The following OSBPL10 variants were observed in gnomAD, a reference collection of about 807,000 sequenced individuals.
OSBPL10 encodes oxysterol binding protein like 10.
Under a neutral mutation model 81.7 loss-of-function variants are expected in OSBPL10, and 49 were observed. The observed-to-expected ratio is 0.60, with a 90% CI of 0.48 to 0.76. The LOEUF (loss-of-function observed/expected upper bound fraction) is 0.76. OSBPL10 is among the 30% of genes least tolerant of loss of function. The pLI, the probability that OSBPL10 is intolerant of heterozygous loss-of-function variation, is 0.00. For missense variants in OSBPL10, 923 were observed against 987.8 expected (o/e 0.93, Z 0.88); for synonymous variants, 419 against 383.6 (o/e 1.09, Z -1.08).
chr3:31,913,709 A>T (rs796755117), intron 1 of OSBPL10, among the ~76,000 whole-genome samples: 74 of 152,332 alleles, frequency 4.9e-4, no homozygotes, highest in African/African-American at 1.8e-3. Context: ...AACAAAATAT[A>T]TGTATATAAA....
At chr3:32,017,766 T>C (rs973761676) in intron 2 of OSBPL10, among the ~76,000 whole-genome samples, 1 of 152,230 alleles carries the variant, frequency 6.6e-6, no homozygotes, top group South Asian at 2.1e-4. Flanking sequence ...TAATTTGAAT[T>C]AGGTCACTTT....
intron 4 of OSBPL10, among the ~76,000 whole-genome samples, chr3:31,766,332 T>TG (rs1698195906): frequency 4.0e-5 from 1 of 25,112 alleles, no homozygotes; most frequent in African/African-American, 6.2e-5. Context: ...TTTTTTTGTT[T>TG]TTTTGTTTTT....
chr3:31,869,967 CAG>C (rs1701277141), intron 3 of OSBPL10, among the ~76,000 whole-genome samples: 1 of 152,252 alleles, frequency 6.6e-6, no homozygotes, highest in Non-Finnish European at 1.5e-5. Flanking sequence ...TGGCAGTCCT[CAG>C]AGCCCTCGCC....
At chr3:31,876,081 G>A (rs904056130) in intron 3 of OSBPL10, among the ~76,000 whole-genome samples, 1 of 151,896 alleles carries the variant, frequency 6.6e-6, no homozygotes, top group East Asian at 1.9e-4. Flanking sequence ...ATCGGTGATG[G>A]CTACTAGATT....
chr3:31,661,322 TTC>T lies in OSBPL10; in HGVS notation c.*748_*749del, dbSNP rs1575458851. Reference sequence around the variant, plus strand: ...GAAGTCTCCATATGATTGACTGGTTTTCTGATGTAAAAGAAGCAACTTCTCAA... The same window carrying T: ...GAAGTCTCCATATGATTGACTGGTTTTGATGTAAAAGAAGCAACTTCTCAA... On this transcript the variant is annotated 3_prime_UTR_variant, in exon 12 of 12. Transcript: ENST00000396556. 1.3e-5 allele frequency: 2 copies of T among 152,322 alleles called. No homozygotes were observed. Among genetic ancestry groups the T allele is most frequent in the East Asian group, 3.9e-4 (2 of 5,188 alleles). The allele number at this position is 152,322 out of a possible 1,614,324, so 9.4% of individuals were successfully genotyped here. A position where few individuals can be genotyped will look rare whatever the true frequency, so the allele number is the denominator to read the frequency against.
chr3:32,055,020 T>C (rs937160765), intron 1 of OSBPL10, among the ~76,000 whole-genome samples: 2 of 152,108 alleles, frequency 1.3e-5, no homozygotes, highest in Non-Finnish European at 2.9e-5. Context: ...GAAAAAACTT[T>C]CAGGACTCTC....
intron 2 of OSBPL10, among the ~76,000 whole-genome samples, chr3:32,026,057 T>TGATA (rs11385805): frequency 0.028 from 3,115 of 111,108 alleles, 83 homozygotes; most frequent in African/African-American, 0.057. Context: ...GATAGATAGA[T>TGATA]GATAGATAGA....
At chr3:31,899,574 A>C (rs1696171730) in intron 1 of OSBPL10, among the ~76,000 whole-genome samples, 1 of 152,236 alleles carries the variant, frequency 6.6e-6, no homozygotes. Context: ...CCATGCATGT[A>C]ATCTCAGCAC....
intron 1 of OSBPL10, among the ~76,000 whole-genome samples, chr3:31,928,288 A>T (rs958518190): frequency 6.6e-6 from 1 of 152,106 alleles, no homozygotes; most frequent in Non-Finnish European, 1.5e-5. Context: ...TTTGGCATCT[A>T]CCTTAACCTG....
chr3:31,786,214 T>C (rs1191572846), intron 4 of OSBPL10, among the ~76,000 whole-genome samples: 2 of 152,236 alleles, frequency 1.3e-5, no homozygotes, highest in Admixed American at 6.5e-5. Flanking sequence ...CTCTCATCTA[T>C]GTGATGAGTT....
chr3:31,925,142 C>A (rs762374681), intron 1 of OSBPL10, among the ~76,000 whole-genome samples: 10 of 152,112 alleles, frequency 6.6e-5, no homozygotes, highest in Admixed American at 1.3e-4. Context: ...TACTTGGGAG[C>A]AGCATTCAAC....
intron 4 of OSBPL10, among the ~76,000 whole-genome samples, chr3:31,763,588 A>C (rs1698121359): frequency 1.3e-5 from 2 of 152,204 alleles, no homozygotes; most frequent in African/African-American, 4.8e-5. Flanking sequence ...GCATATACAA[A>C]CTGGGCCTTA....
chr3:32,060,104 G>A (rs545006486), intron 1 of OSBPL10, among the ~76,000 whole-genome samples: 1 of 150,886 alleles, frequency 6.6e-6, no homozygotes, highest in African/African-American at 2.4e-5. Context: ...ATATACTTAC[G>A]GTATATATAC....
intron 1 of OSBPL10, among the ~76,000 whole-genome samples, chr3:31,930,684 C>G (rs1309214785): frequency 6.6e-6 from 1 of 151,934 alleles, no homozygotes; most frequent in African/African-American, 2.4e-5. Context: ...CTTTAAAAAA[C>G]AGTGTAAGTG....
intron 3 of OSBPL10, among the ~76,000 whole-genome samples, chr3:31,873,846 G>C (rs1168190847): frequency 1.3e-5 from 2 of 152,138 alleles, no homozygotes; most frequent in African/African-American, 4.8e-5. Flanking sequence ...TGCTTAAGCA[G>C]CCTTGAATTT....
At chr3:31,862,867 A>G (rs1237789487) in intron 3 of OSBPL10, among the ~76,000 whole-genome samples, 1 of 152,230 alleles carries the variant, frequency 6.6e-6, no homozygotes, top group East Asian at 1.9e-4. Context: ...GTTGTTCCTT[A>G]AAAAGCTAAA....
intron 1 of OSBPL10, among the ~76,000 whole-genome samples, chr3:32,053,103 C>T (rs1277639812): frequency 1.3e-5 from 2 of 152,192 alleles, no homozygotes; most frequent in Non-Finnish European, 2.9e-5. Flanking sequence ...TGTCTGGTGT[C>T]CTAGGCTCCA....
At chr3:31,716,042 G>A (rs143595750) in intron 6 of OSBPL10, among the ~76,000 whole-genome samples, 1 of 152,254 alleles carries the variant, frequency 6.6e-6, no homozygotes, top group Non-Finnish European at 1.5e-5. Flanking sequence ...AGTGGCAGCG[G>A]GAAAGGCTCT....
At chr3:31,871,027 C>G (rs1384113687) in intron 3 of OSBPL10, among the ~76,000 whole-genome samples, 1 of 152,202 alleles carries the variant, frequency 6.6e-6, no homozygotes, top group Non-Finnish European at 1.5e-5. Context: ...CCTGTCAAAA[C>G]AGACCACTCA....
Sources: allele counts gnomAD v4.1 joint callset (sites outside exome capture counted in the v4.1 genomes callset), GRCh38; gene constraint gnomAD v4.1.1; transcripts MANE v1.5; gene names NCBI Gene and HGNC (gene_info 2026-07-23, HGNC 2026-07-21).